The following MARCHF1 variants were observed in gnomAD, a reference collection of about 807,000 sequenced individuals.
MARCHF1 encodes the protein E3 ubiquitin-protein ligase MARCHF1.
MARCHF1 carries 40 observed loss-of-function variants against 54.2 expected under a neutral mutation model. That is an observed-to-expected ratio of 0.74 (90% confidence interval 0.57 to 0.96). MARCHF1 has a LOEUF of 0.96. MARCHF1 is among the 40% of genes least tolerant of loss of function. MARCHF1 has a pLI of 0.00. For synonymous variants in MARCHF1, 236 were observed against 236.3 expected (o/e 1.00, Z 0.01); for missense variants, 586 against 656.5 (o/e 0.89, Z 1.17).
At position 163,527,035 on chromosome 4, in the gene MARCHF1, A is replaced by C. The variant is rs1400493179; in HGVS notation, c.*1713T>G. ...TACAAAGTGCATCCATGTGATACCC[A>C]GATTTGTGCAGTGTGATACTCATGC... On this transcript the variant is annotated 3_prime_UTR_variant, in exon 10 of 10. Coordinates refer to ENST00000514618, the MANE Select transcript of MARCHF1 (RefSeq NM_001394959.1). 6.6e-6 allele frequency: 1 copy of C among 151,906 alleles called. No individual in the cohort carries two copies. Among genetic ancestry groups the C allele is most frequent in the Non-Finnish European group, 1.5e-5 (1 of 67,908 alleles). 9.4% of individuals were successfully genotyped at this position (151,906 alleles called of 1,614,324 possible).
intron 3 of MARCHF1, among the ~76,000 whole-genome samples, chr4:163,889,117 G>T (rs554351593): frequency 2.9e-4 from 44 of 152,206 alleles, no homozygotes; most frequent in African/African-American, 9.9e-4. Context: ...AAGGAAAACA[G>T]AACTTAAATG....
chr4:163,994,975 T>A (rs1421174615), intron 2 of MARCHF1, among the ~76,000 whole-genome samples: 1 of 151,998 alleles, frequency 6.6e-6, no homozygotes, highest in African/African-American at 2.4e-5. Context: ...ATGTGTAGGT[T>A]TTTTTCCCCA....
Position 163,929,963 on chromosome 4 carries a change from A to ATATTATAT in MARCHF1, c.-39+58537_-39+58538insATATAATA, listed in dbSNP as rs56692278. 2.4e-4 allele frequency among the ~76,000 whole-genome samples: 15 copies of ATATTATAT among 62,146 alleles called. No individual in the cohort carries two copies. The South Asian group carries it at 4.9e-3, about 20-fold the overall frequency. The allele number at this position is 62,146 out of a possible 152,430, so 40.8% of individuals were successfully genotyped here. ...TATTTATATTATATATATTATATAT[A>ATATTATAT]ATATATATAATATATATAATATATA... On this transcript the variant is annotated intron_variant, in intron 3 of 9. Transcript: ENST00000514618.
chr4:164,214,244 T>A (rs1731864887), intron 1 of MARCHF1, among the ~76,000 whole-genome samples: 1 of 152,180 alleles, frequency 6.6e-6, no homozygotes, highest in South Asian at 2.1e-4. Context: ...GTCACTCAGA[T>A]TTCTGACCTA....
chr4:164,114,643 C>A (rs1755903210), intron 1 of MARCHF1, among the ~76,000 whole-genome samples: 1 of 151,200 alleles, frequency 6.6e-6, no homozygotes, highest in East Asian at 1.9e-4. Context: ...ACAATAAATG[C>A]AATAAGATTT....
chr4:163,605,595 A>G (rs1010735827), intron 7 of MARCHF1, among the ~76,000 whole-genome samples: 6 of 152,200 alleles, frequency 3.9e-5, no homozygotes, highest in African/African-American at 1.2e-4. Context: ...TACTATCAAG[A>G]CACATGCACA....
At chr4:164,033,997 C>T (rs545023927) in intron 2 of MARCHF1, among the ~76,000 whole-genome samples, 101 of 152,010 alleles carry the variant, frequency 6.6e-4, no homozygotes, top group African/African-American at 2.1e-3. Context: ...CAGCACTATT[C>T]ACAATAGCAA....
intron 1 of MARCHF1, among the ~76,000 whole-genome samples, chr4:164,351,400 G>T (rs957791484): frequency 2.0e-5 from 3 of 150,900 alleles, no homozygotes; most frequent in African/African-American, 7.3e-5. Flanking sequence ...TCTCCCAGCA[G>T]GCAGCTGGAG....
intron 7 of MARCHF1, among the ~76,000 whole-genome samples, chr4:163,586,814 T>C (rs1050741321): frequency 6.7e-6 from 1 of 148,556 alleles, no homozygotes; most frequent in African/African-American, 2.6e-5. Context: ...ATATGGTATC[T>C]TACCAATGTG....
intron 7 of MARCHF1, among the ~76,000 whole-genome samples, chr4:163,591,068 ATTATTAAT>A (rs1017099767): frequency 1.3e-5 from 2 of 151,488 alleles, no homozygotes; most frequent in African/African-American, 4.9e-5. Flanking sequence ...ATTTCATATG[ATTATTAAT>A]TAATTATTGT....
At chr4:163,651,246 C>T (rs905647421) in intron 5 of MARCHF1, among the ~76,000 whole-genome samples, 3 of 151,910 alleles carry the variant, frequency 2.0e-5, no homozygotes, top group Non-Finnish European at 4.4e-5. Context: ...AGTCTGTGTA[C>T]TTACAAAATT....
At chr4:163,566,246 T>C (rs553796050) in intron 8 of MARCHF1, among the ~76,000 whole-genome samples, 4 of 152,326 alleles carry the variant, frequency 2.6e-5, no homozygotes, top group Admixed American at 6.5e-5. Flanking sequence ...CTGCGACCCA[T>C]TGGATGTTAT....
At chr4:163,891,588 T>C (rs770819944) in intron 3 of MARCHF1, among the ~76,000 whole-genome samples, 17 of 152,142 alleles carry the variant, frequency 1.1e-4, no homozygotes, top group Non-Finnish European at 2.1e-4. Flanking sequence ...CCTGTCACCA[T>C]TGCACATAGA....
chr4:164,114,667 C>T (rs1755904531), intron 1 of MARCHF1, among the ~76,000 whole-genome samples: 1 of 151,088 alleles, frequency 6.6e-6, no homozygotes, highest in African/African-American at 2.4e-5. Flanking sequence ...ATGAAATAAT[C>T]AGAAGATAAC....
chr4:164,056,419 A>C (rs1206410190), intron 2 of MARCHF1, among the ~76,000 whole-genome samples: 3 of 152,172 alleles, frequency 2.0e-5, no homozygotes, highest in Non-Finnish European at 4.4e-5. Flanking sequence ...TTTGAGACAA[A>C]GTTTCCATGA....
intron 7 of MARCHF1, among the ~76,000 whole-genome samples, chr4:163,610,500 T>C (rs886253781): frequency 1.3e-5 from 2 of 152,090 alleles, no homozygotes; most frequent in African/African-American, 2.4e-5. Flanking sequence ...CAAGCATTAT[T>C]TTTCTCTCCA....
At chr4:163,789,962 C>T (rs922591912) in intron 4 of MARCHF1, among the ~76,000 whole-genome samples, 2 of 152,042 alleles carry the variant, frequency 1.3e-5, no homozygotes, top group Admixed American at 6.6e-5. Context: ...AATGATATAA[C>T]ATTAAAGTGT....
At chr4:164,380,271 A>C (rs2110986641) in intron 1 of MARCHF1, among the ~76,000 whole-genome samples, 1 of 151,886 alleles carries the variant, frequency 6.6e-6, no homozygotes, top group South Asian at 2.1e-4. Flanking sequence ...TTTAACTGAA[A>C]CTAATTAGAA....
At chr4:164,076,098 T>G (rs1395755762) in intron 2 of MARCHF1, among the ~76,000 whole-genome samples, 1 of 151,870 alleles carries the variant, frequency 6.6e-6, no homozygotes, top group African/African-American at 2.4e-5. Flanking sequence ...AAGATAACTT[T>G]CATTCTAGGA....
Sources: allele counts gnomAD v4.1 joint callset (sites outside exome capture counted in the v4.1 genomes callset), GRCh38; gene constraint gnomAD v4.1.1; transcripts MANE v1.5; gene names NCBI Gene and HGNC (gene_info 2026-07-23, HGNC 2026-07-21).